The following TIMP2 variants were observed in gnomAD, a reference collection of about 807,000 sequenced individuals.
TIMP2 encodes the protein TIMP metallopeptidase inhibitor 2.
A neutral mutation model predicts 24.3 loss-of-function variants in TIMP2; 5 were observed. The observed-to-expected ratio is 0.21, with a 90% CI of 0.11 to 0.43. TIMP2 has a LOEUF of 0.43. Ranked by LOEUF, TIMP2 falls within the 20% of genes least tolerant of loss-of-function variation. The probability of loss-of-function intolerance (pLI) is 1.00; values close to 1 mark genes in which losing one functional copy is unlikely to be tolerated. For synonymous variants in TIMP2, 130 were observed against 123.2 expected (o/e 1.06, Z -0.37); for missense variants, 221 against 297.5 (o/e 0.74, Z 1.89).
At chr17:78,904,217 C>G (rs2070136582) in intron 1 of TIMP2, 1 of 150,222 alleles carries the variant, frequency 6.7e-6, no homozygotes, top group Admixed American at 6.6e-5. Context: ...TAGGCACGAG[C>G]CACCGCCCCC....
chr17:78,879,063 C>A (rs2069755149), intron 1 of TIMP2, among the ~76,000 whole-genome samples: 1 of 152,216 alleles, frequency 6.6e-6, no homozygotes, highest in Non-Finnish European at 1.5e-5. Flanking sequence ...CGCTGACCTG[C>A]TCAGAGCAGC....
chr17:78,868,384 G>A (rs576799597), intron 3 of TIMP2, among the ~76,000 whole-genome samples: 19 of 152,136 alleles, frequency 1.2e-4, no homozygotes, highest in African/African-American at 3.4e-4. Flanking sequence ...CTGAGTAGCT[G>A]GGACTACAGG....
At chr17:78,914,395 G>C (rs2070237192) in intron 1 of TIMP2, among the ~76,000 whole-genome samples, 1 of 151,908 alleles carries the variant, frequency 6.6e-6, no homozygotes. Context: ...TGATTCTCCT[G>C]CCTCAGCCTC....
chr17:78,878,139 T>C (rs768268097), intron 1 of TIMP2, among the ~76,000 whole-genome samples: 8 of 152,186 alleles, frequency 5.3e-5, no homozygotes, highest in Non-Finnish European at 1.0e-4. Context: ...CATCCTACCA[T>C]GGGCATTGAG....
intron 1 of TIMP2, among the ~76,000 whole-genome samples, chr17:78,880,885 A>T (rs1255537135): frequency 6.6e-6 from 1 of 152,202 alleles, no homozygotes; most frequent in African/African-American, 2.4e-5. Flanking sequence ...AGTTTGGGAC[A>T]GGCAAACCGG....
At position 78,902,256 on chromosome 17, in the gene TIMP2, C is replaced by T. The variant is rs1217307879; in HGVS notation, c.130+22703G>A. On this transcript the variant is annotated intron_variant, in intron 1 of 4. Transcript: ENST00000262768. ...CCAAGTAGCTGGGACTACAGGCGCA[C>T]GCCACCACACCCAGCTAATTTTTGT... 5.3e-5 allele frequency among the ~76,000 whole-genome samples: 8 copies of T among 152,342 alleles called. No individual in the cohort carries two copies. The East Asian group carries it at 5.8e-4, about 11-fold the overall frequency.
chr17:78,892,247 C>T (rs529835189), intron 1 of TIMP2: 27 of 1,550,938 alleles, frequency 1.7e-5, no homozygotes, highest in African/African-American at 8.2e-5. Flanking sequence ...GCCTTTGCCC[C>T]GGGCTTGTAG....
At chr17:78,914,471 T>TG (rs1260440124) in intron 1 of TIMP2, among the ~76,000 whole-genome samples, 1 of 151,654 alleles carries the variant, frequency 6.6e-6, no homozygotes, top group African/African-American at 2.4e-5. Context: ...TTAGTAGAGA[T>TG]GGGGTTTCAT....
At chr17:78,905,623 T>G (rs1432028882) in intron 1 of TIMP2, among the ~76,000 whole-genome samples, 2 of 152,256 alleles carry the variant, frequency 1.3e-5, no homozygotes, top group Non-Finnish European at 2.9e-5. Flanking sequence ...CCAGCACGAC[T>G]GCCAAGTGCT....
At chr17:78,918,066 A>ACACACACGCG (rs1491459704) in intron 1 of TIMP2, among the ~76,000 whole-genome samples, 1,513 of 92,616 alleles carry the variant, frequency 0.016, 14 homozygotes, top group African/African-American at 0.085. Flanking sequence ...GCACACACAA[A>ACACACACGCG]CACACACACA....
chr17:78,907,766 A>AGTACC (rs2070174007), intron 1 of TIMP2, among the ~76,000 whole-genome samples: 1 of 152,154 alleles, frequency 6.6e-6, no homozygotes, highest in Non-Finnish European at 1.5e-5. Flanking sequence ...AGGTGCACCC[A>AGTACC]TGGAATTCAT....
chr17:78,923,197 A>G lies in TIMP2; in HGVS notation c.130+1762T>C, dbSNP rs2070320692. On this transcript the variant is annotated intron_variant, in intron 1 of 4. Coordinates refer to ENST00000262768, the MANE Select transcript of TIMP2 (RefSeq NM_003255.5). ...TTTAGACACAAATGCCAGGCAACCC[A>G]GAAGAGGAGAGTGCTGCGCTGAGCA... is the stretch of plus-strand genomic sequence containing the variant. Among the ~76,000 whole-genome samples, 3 of 152,014 alleles carry G rather than the reference A, an allele frequency of 2.0e-5. 1 individual carries two copies. The South Asian group carries it at 6.2e-4, about 31-fold the overall frequency.
chr17:78,917,452 C>T (rs1205516034), intron 1 of TIMP2, among the ~76,000 whole-genome samples: 1 of 152,190 alleles, frequency 6.6e-6, no homozygotes, highest in Non-Finnish European at 1.5e-5. Flanking sequence ...AATTCCTTGA[C>T]ACACTTGCCA....
At chr17:78,887,733 G>A (rs2069837041) in intron 1 of TIMP2, among the ~76,000 whole-genome samples, 1 of 127,954 alleles carries the variant, frequency 7.8e-6, no homozygotes, top group Non-Finnish European at 1.5e-5. Context: ...ATCTTTTTCT[G>A]GGGAAAAAAA....
chr17:78,916,259 G>C (rs962630823), intron 1 of TIMP2, among the ~76,000 whole-genome samples: 1 of 152,120 alleles, frequency 6.6e-6, no homozygotes, highest in Non-Finnish European at 1.5e-5. Context: ...GACTCAATCT[G>C]GGGCCAGCAT....
chr17:78,863,223 T>C (rs1439194661), intron 3 of TIMP2, among the ~76,000 whole-genome samples: 1 of 152,068 alleles, frequency 6.6e-6, no homozygotes, highest in East Asian at 1.9e-4. Context: ...CTTGCCAACA[T>C]TGGTTTATTT....
intron 1 of TIMP2, among the ~76,000 whole-genome samples, chr17:78,907,826 T>C (rs1405709097): frequency 6.6e-6 from 1 of 152,164 alleles, no homozygotes; most frequent in Non-Finnish European, 1.5e-5. Context: ...GAAAGTCTAA[T>C]GTCCCCTCAT....
Position 78,891,821 on chromosome 17 carries a change from T to C in TIMP2, c.131-17902A>G. On this transcript the variant is annotated intron_variant, in intron 1 of 4. Transcript: ENST00000262768. The surrounding 1 kb of genome is among the most constrained non-coding windows in gnomAD (Gnocchi z 4.5). ...GCCACCCCCAGACTTGGTCGAAGGT[T>C]CTGGCCTTCCCTTTCTCTTCTCAGG... 6.4e-7 allele frequency: 1 copy of C among 1,550,898 alleles called. No individual in the cohort carries two copies.
rs545466290 is a variant in TIMP2, at chr17:78,855,098, G to C, written c.*569C>G. On this transcript the variant is annotated 3_prime_UTR_variant, in exon 5 of 5. Transcript: ENST00000262768. This position sits in a 1 kb window ranked among gnomAD's most constrained non-coding sequence, Gnocchi z 6.0. ...CTTCAAGAACTAGCCACTGGTTCCA[G>C]GCTGCCCTTGGATGTGGGGGGAGTC... The C allele has an allele frequency of 2.6e-4, 41 of 158,480 alleles. No homozygotes were observed. The highest frequency in any genetic ancestry group is 3.3e-3 in the Middle Eastern group (1 of 300). The allele number at this position is 158,480 out of a possible 1,614,324, so 9.8% of individuals were successfully genotyped here.
Sources: allele counts gnomAD v4.1 joint callset (sites outside exome capture counted in the v4.1 genomes callset), GRCh38; gene constraint gnomAD v4.1.1; non-coding constraint Gnocchi (gnomAD v3.1); transcripts MANE v1.5; gene names NCBI Gene and HGNC (gene_info 2026-07-23, HGNC 2026-07-21).